Variants in TPD52L1 observed in about 807,000 individuals in gnomAD.
TPD52L1 encodes tumor protein D53.
In TPD52L1, 18 loss-of-function variants were observed where a neutral mutation model predicts 28.7. The ratio of observed to expected loss-of-function variants is 0.63; its 90% confidence interval spans 0.43 to 0.93. The LOEUF (loss-of-function observed/expected upper bound fraction) is 0.93. Ranked by LOEUF, TPD52L1 falls within the 40% of genes least tolerant of loss-of-function variation. TPD52L1 has a pLI of 0.00. For synonymous variants in TPD52L1, 75 were observed against 88.8 expected (o/e 0.84, Z 0.88); for missense variants, 203 against 254.8 (o/e 0.80, Z 1.39).
At chr6:125,216,911 C>T (rs984017126) in intron 1 of TPD52L1, among the ~76,000 whole-genome samples, 21 of 152,078 alleles carry the variant, frequency 1.4e-4, no homozygotes, top group African/African-American at 5.1e-4. Flanking sequence ...GAAGGGACAG[C>T]TTCAGAACTA....
rs541487196 is a variant in TPD52L1, at chr6:125,202,026, A to G, written c.20-18052A>G. 4.6e-5 allele frequency among the ~76,000 whole-genome samples: 7 copies of G among 152,290 alleles called. No individual in the cohort carries two copies. The South Asian group carries it at 8.3e-4, about 18-fold the overall frequency. ...GGAAGACTGTCTATACGTCTGACCAATGCTTTTTGAATGTTCAGGCCCCTG... is the reference window on the plus strand; with the variant it reads ...GGAAGACTGTCTATACGTCTGACCAGTGCTTTTTGAATGTTCAGGCCCCTG... On this transcript the variant is annotated intron_variant, in intron 1 of 6. Transcript: ENST00000534000.
intron 1 of TPD52L1, among the ~76,000 whole-genome samples, chr6:125,173,481 T>C (rs1260560312): frequency 6.6e-6 from 1 of 152,080 alleles, no homozygotes; most frequent in African/African-American, 2.4e-5. Flanking sequence ...AGCCAGGAGG[T>C]GCAGCTTCTG....
intron 1 of TPD52L1, among the ~76,000 whole-genome samples, chr6:125,216,529 G>GTGTGTA (rs1314530488): frequency 2.5e-4 from 17 of 69,072 alleles, no homozygotes; most frequent in African/African-American, 1.4e-3. Flanking sequence ...GTATGTGTGT[G>GTGTGTA]TATATATATA....
At chr6:125,201,837 C>T (rs970852764) in intron 1 of TPD52L1, among the ~76,000 whole-genome samples, 1 of 152,214 alleles carries the variant, frequency 6.6e-6, no homozygotes, top group Non-Finnish European at 1.5e-5. Context: ...CTCAGAAACA[C>T]ATATTTCCAT....
intron 1 of TPD52L1, among the ~76,000 whole-genome samples, chr6:125,154,704 C>G (rs945339682): frequency 6.6e-6 from 1 of 152,084 alleles, no homozygotes; most frequent in Non-Finnish European, 1.5e-5. Flanking sequence ...TGGGGAATTC[C>G]GATGGAATCG....
chr6:125,213,442 C>G (rs1024564162), intron 1 of TPD52L1, among the ~76,000 whole-genome samples: 59 of 152,076 alleles, frequency 3.9e-4, no homozygotes, highest in Admixed American at 3.5e-3. Context: ...GCAGATACTA[C>G]TCATGATCTT....
At chr6:125,171,553 A>G (rs936020811) in intron 1 of TPD52L1, among the ~76,000 whole-genome samples, 7 of 152,052 alleles carry the variant, frequency 4.6e-5, no homozygotes. Flanking sequence ...AGTTGGAGAA[A>G]CCCACATGGC....
chr6:125,171,017 G>A (rs1032127580), intron 1 of TPD52L1, among the ~76,000 whole-genome samples: 2 of 152,128 alleles, frequency 1.3e-5, no homozygotes, highest in South Asian at 4.1e-4. Flanking sequence ...ATGACCAAGG[G>A]CTGGCTGATT....
Position 125,240,364 on chromosome 6 carries a change from T to A in TPD52L1, c.285-7918T>A, listed in dbSNP as rs573788753. On this transcript the variant is annotated intron_variant, in intron 3 of 6. Transcript: ENST00000534000. ...TTGTTTTTTCTAGTTCAGTGAAGAG[T>A]GATAATGATATTTTGATGGGAATTG... Among the ~76,000 whole-genome samples, 45 of 152,172 alleles carry A rather than the reference T, an allele frequency of 3.0e-4. 1 individual carries two copies. The South Asian group carries it at 8.9e-3, about 30-fold the overall frequency.
At chr6:125,198,460 G>A (rs956463182) in intron 1 of TPD52L1, among the ~76,000 whole-genome samples, 5 of 152,152 alleles carry the variant, frequency 3.3e-5, no homozygotes, top group African/African-American at 1.2e-4. Flanking sequence ...GGGTAAGAGA[G>A]ATCTATTTAC....
intron 1 of TPD52L1, among the ~76,000 whole-genome samples, chr6:125,155,736 C>T (rs961026198): frequency 1.3e-5 from 2 of 152,168 alleles, no homozygotes; most frequent in African/African-American, 4.8e-5. Flanking sequence ...CCCTAGTATG[C>T]AATAATCAGA....
chr6:125,246,562 C>CA (rs1445818012), intron 3 of TPD52L1, among the ~76,000 whole-genome samples: 4 of 152,118 alleles, frequency 2.6e-5, no homozygotes, highest in Non-Finnish European at 4.4e-5. Context: ...TCCATGGTTT[C>CA]ATGTAGTCAA....
At chr6:125,223,239 C>G (rs998515710) in intron 2 of TPD52L1, among the ~76,000 whole-genome samples, 1 of 152,168 alleles carries the variant, frequency 6.6e-6, no homozygotes, top group African/African-American at 2.4e-5. Flanking sequence ...ATAATATTCC[C>G]ATGAGGTTGC....
chr6:125,240,576 T>A (rs1163980578), intron 3 of TPD52L1, among the ~76,000 whole-genome samples: 1 of 152,132 alleles, frequency 6.6e-6, no homozygotes, highest in Non-Finnish European at 1.5e-5. Context: ...TATTTTTTAT[T>A]TTTTGCAGCT....
chr6:125,190,509 G>A (rs893634899), intron 1 of TPD52L1, among the ~76,000 whole-genome samples: 1 of 152,022 alleles, frequency 6.6e-6, no homozygotes, highest in African/African-American at 2.4e-5. Context: ...CGAAGGTTGG[G>A]GGATGGTTTT....
At chr6:125,212,138 A>G (rs1000770329) in intron 1 of TPD52L1, among the ~76,000 whole-genome samples, 1 of 152,212 alleles carries the variant, frequency 6.6e-6, no homozygotes, top group Non-Finnish European at 1.5e-5. Context: ...ACCAAACATC[A>G]TGAAGAAAAT....
chr6:125,185,938 A>G (rs501605), intron 1 of TPD52L1, among the ~76,000 whole-genome samples: 86,456 of 146,610 alleles, frequency 0.59, 27,982 homozygotes, highest in African/African-American at 0.88. Flanking sequence ...CTGTCGCCCC[A>G]GCTAGAGTGC....
intron 1 of TPD52L1, among the ~76,000 whole-genome samples, chr6:125,172,155 TCTTTTC>T (rs1791418357): frequency 2.0e-5 from 1 of 49,796 alleles, no homozygotes; most frequent in South Asian, 7.9e-4. Flanking sequence ...TTTCTTTCTT[TCTTTTC>T]TTTCTTTCTT....
chr6:125,171,694 G>C (rs1440147952), intron 1 of TPD52L1, among the ~76,000 whole-genome samples: 2 of 152,140 alleles, frequency 1.3e-5, no homozygotes, highest in Non-Finnish European at 2.9e-5. Context: ...CCTTGAAACA[G>C]TTCTCCTCTG....
Sources: gnomAD v4.1 joint callset for allele counts (sites outside exome capture counted in the v4.1 genomes callset) on GRCh38, gnomAD v4.1.1 for gene constraint, MANE v1.5 for transcripts, NCBI Gene and HGNC (gene_info 2026-07-23, HGNC 2026-07-21) for gene names.